TENM1: variants seen among roughly 807,000 people sequenced by gnomAD.
The protein encoded by TENM1 is teneurin-1.
A neutral mutation model predicts 174.8 loss-of-function variants in TENM1; 35 were observed. The observed-to-expected ratio is 0.20, with a 90% CI of 0.15 to 0.27. The LOEUF (loss-of-function observed/expected upper bound fraction) is 0.27. TENM1 is among the 10% of genes least tolerant of loss of function. The pLI is 1.00. For synonymous variants in TENM1, 781 were observed against 798.7 expected, an observed-to-expected ratio of 0.98 and a Z score of 0.37; for missense variants, 1,633 against 2,130.1, an observed-to-expected ratio of 0.77 and a Z score of 4.59.
chrX:124,975,071 G>C, the TENM1 span, among the ~76,000 whole-genome samples: 1 of 106,927 alleles, frequency 9.4e-6, no homozygotes, highest in Non-Finnish European at 1.9e-5. Context: ...CTATCCCTTA[G>C]TAATTTGCAA....
At chrX:124,986,662 G>A in the TENM1 span, among the ~76,000 whole-genome samples, 433 of 111,498 alleles carry the variant, frequency 3.9e-3, 1 homozygote, top group African/African-American at 0.014. Flanking sequence ...GTTTGTTTGA[G>A]ATGGAGTCTT....
At chrX:125,014,900 T>A in the TENM1 span, among the ~76,000 whole-genome samples, 1 of 111,988 alleles carries the variant, frequency 8.9e-6, no homozygotes, top group South Asian at 3.7e-4. Context: ...CTTTTATGTA[T>A]ATCAAAAAGA....
chrX:124,963,407 G>A, intron 1 of TENM1, 130 bp downstream of exon 4: 4 of 543,956 alleles, frequency 7.4e-6, no homozygotes, highest in Non-Finnish European at 1.2e-5. Flanking sequence ...TAGATTCTCT[G>A]AGCATATATA....
At chrX:124,850,106 C>T (rs1360277994) in intron 3 of TENM1, among the ~76,000 whole-genome samples, 1 of 111,633 alleles carries the variant, frequency 9.0e-6, no homozygotes, top group African/African-American at 3.3e-5. Flanking sequence ...ATACCCAAAG[C>T]CTGTGTTTAA....
chrX:125,139,198 A>T, the TENM1 span, among the ~76,000 whole-genome samples: 1 of 111,878 alleles, frequency 8.9e-6, no homozygotes, highest in Non-Finnish European at 1.9e-5. Flanking sequence ...ATGATTAAAT[A>T]AAATAATTGC....
the TENM1 span, among the ~76,000 whole-genome samples, chrX:125,008,362 G>A: frequency 1.8e-5 from 2 of 111,670 alleles, no homozygotes; most frequent in African/African-American, 3.3e-5. Context: ...ACCCAATACA[G>A]GAGTACCCAG....
chrX:124,658,401 G>A (rs1186512005), intron 6 of TENM1, among the ~76,000 whole-genome samples: 1 of 111,545 alleles, frequency 9.0e-6, no homozygotes, highest in Non-Finnish European at 1.9e-5. Flanking sequence ...TAGTAATGTT[G>A]ATAATTTTTT....
chrX:124,746,071 A>G lies in TENM1; in HGVS notation c.536-8874T>C, dbSNP rs975025408. 2.7e-5 allele frequency among the ~76,000 whole-genome samples: 3 copies of G among 112,117 alleles called. No individual in the cohort carries two copies. The Admixed American group carries it at 2.8e-4, about 11-fold the overall frequency. On this transcript the variant is annotated intron_variant, in intron 3 of 31. Transcript: ENST00000422452. The stretch of plus-strand genomic sequence containing the variant: ...TTGTATCAGGATGTGAGTCTGAATC[A>G]TCTTTATATCTCCCACATACAACCC...
intron 3 of TENM1, among the ~76,000 whole-genome samples, chrX:124,764,904 T>C (rs1432462672): frequency 9.0e-6 from 1 of 111,092 alleles, no homozygotes; most frequent in Non-Finnish European, 1.9e-5. Flanking sequence ...CATCTCTGAA[T>C]CTTTGCATTC....
chrX:124,941,182 T>C (rs1181039144), intron 1 of TENM1, among the ~76,000 whole-genome samples: 2 of 111,964 alleles, frequency 1.8e-5, no homozygotes, highest in East Asian at 5.6e-4. Context: ...ATCAACCCAC[T>C]GAAATCTTTC....
intron 23 of TENM1, among the ~76,000 whole-genome samples, chrX:124,444,896 T>C (rs927591745): frequency 9.0e-6 from 1 of 111,572 alleles, no homozygotes; most frequent in African/African-American, 3.3e-5. Context: ...AAGAGGGCTG[T>C]CACGTGGAGG....
At chrX:124,788,399 C>T in intron 3 of TENM1, among the ~76,000 whole-genome samples, 1 of 111,717 alleles carries the variant, frequency 9.0e-6, no homozygotes, top group African/African-American at 3.3e-5. Context: ...ACCAATCATG[C>T]CTTCCCAACA....
chrX:124,704,803 T>C (rs1188743024), intron 5 of TENM1, among the ~76,000 whole-genome samples: 1 of 109,943 alleles, frequency 9.1e-6, no homozygotes, highest in African/African-American at 3.3e-5. Context: ...GTAGTATAAA[T>C]ATTTCTTCTC....
intron 27 of TENM1, among the ~76,000 whole-genome samples, chrX:124,403,276 T>G (rs1206831732): frequency 9.1e-6 from 1 of 109,914 alleles, no homozygotes; most frequent in Non-Finnish European, 1.9e-5. Context: ...ATCCCAGCAC[T>G]TTGGGAGGCC....
intron 22 of TENM1, among the ~76,000 whole-genome samples, chrX:124,453,949 A>G (rs913910141): frequency 1.8e-5 from 2 of 111,829 alleles, no homozygotes; most frequent in Non-Finnish European, 3.8e-5. Context: ...ACTTTGTTAA[A>G]AGGGAGTTTG....
chrX:124,513,828 C>T (rs1332168306), intron 18 of TENM1, among the ~76,000 whole-genome samples: 1 of 111,973 alleles, frequency 8.9e-6, no homozygotes. Flanking sequence ...GCTCACAATC[C>T]ATCTTCAGAG....
At chrX:124,615,344 G>C (rs1233701363) in intron 11 of TENM1, among the ~76,000 whole-genome samples, 1 of 111,667 alleles carries the variant, frequency 9.0e-6, no homozygotes, top group Non-Finnish European at 1.9e-5. Flanking sequence ...AGGGCGAACT[G>C]TACTACCAAT....
intron 3 of TENM1, among the ~76,000 whole-genome samples, chrX:124,742,703 G>A (rs770384057): frequency 9.0e-5 from 10 of 110,586 alleles, no homozygotes; most frequent in Admixed American, 8.7e-4. Flanking sequence ...TGAAAAAAGT[G>A]GACCCCAAAG....
the TENM1 span, among the ~76,000 whole-genome samples, chrX:125,190,740 T>G: frequency 1.8e-5 from 2 of 111,646 alleles, no homozygotes; most frequent in Non-Finnish European, 3.8e-5. Context: ...GTTTTTTTAA[T>G]GGTTTTGTTT....
Sources: allele counts gnomAD v4.1 joint callset (sites outside exome capture counted in the v4.1 genomes callset), GRCh38; gene constraint gnomAD v4.1.1; transcripts MANE v1.5; gene names NCBI Gene and HGNC (gene_info 2026-07-23, HGNC 2026-07-21).